Variants in NBEA observed in about 807,000 individuals in gnomAD.
NBEA encodes the protein lysosomal-trafficking regulator 2.
A neutral mutation model predicts 343.4 loss-of-function variants in NBEA; 44 were observed. The observed-to-expected ratio is 0.13, with a 90% CI of 0.10 to 0.16. The LOEUF (loss-of-function observed/expected upper bound fraction) is 0.16, where lower values mean the gene tolerates loss of function less well. Among genes scored for constraint, NBEA ranks in the 10% least tolerant of loss-of-function variants. NBEA has a pLI of 1.00. For missense variants in NBEA, 2,555 were observed against 3,631.3 expected (o/e 0.70, Z 7.62); for synonymous variants, 1,175 against 1,238.7 (o/e 0.95, Z 1.08).
intron 34 of NBEA, among the ~76,000 whole-genome samples, chr13:35,284,186 G>A (rs1309594325): frequency 1.3e-5 from 2 of 152,100 alleles, no homozygotes; most frequent in African/African-American, 4.8e-5. Flanking sequence ...TTACTATCAG[G>A]ACCTTTACAG....
chr13:35,209,958 C>T (rs2073655195), intron 32 of NBEA, among the ~76,000 whole-genome samples: 1 of 151,910 alleles, frequency 6.6e-6, no homozygotes, highest in African/African-American at 2.4e-5. Context: ...AAAGTCTTTC[C>T]AGTATTAGAG....
At chr13:35,188,900 CTTTTTGTTTTT>C (rs1409164189) in intron 30 of NBEA, among the ~76,000 whole-genome samples, 3 of 137,852 alleles carry the variant, frequency 2.2e-5, no homozygotes, top group African/African-American at 8.0e-5. Flanking sequence ...CTATATTTTA[CTTTTTGTTTTT>C]TTTTTTTTTT....
intron 35 of NBEA, among the ~76,000 whole-genome samples, chr13:35,293,923 C>T (rs145847685): frequency 6.6e-6 from 1 of 150,546 alleles, no homozygotes; most frequent in African/African-American, 2.5e-5. Context: ...AGAAACTGTA[C>T]ATTTAAAAAA....
intron 1 of NBEA, among the ~76,000 whole-genome samples, chr13:34,959,996 A>T (rs901523251): frequency 6.7e-6 from 1 of 149,616 alleles, no homozygotes; most frequent in Non-Finnish European, 1.5e-5. Context: ...ACTCAAGCTT[A>T]AAAAAAAAGT....
intron 16 of NBEA, among the ~76,000 whole-genome samples, chr13:35,122,015 A>G (rs1279331390): frequency 6.6e-6 from 1 of 152,042 alleles, no homozygotes; most frequent in Non-Finnish European, 1.5e-5. Flanking sequence ...CTTTATGGAA[A>G]CAAATTACTT....
At chr13:35,171,059 G>T (rs1431453742) in intron 25 of NBEA, 1 of 680,304 alleles carries the variant, frequency 1.5e-6, no homozygotes, top group Non-Finnish European at 2.7e-6. Flanking sequence ...ATTTTAAAAT[G>T]GGCTTTTCCT....
intron 1 of NBEA, among the ~76,000 whole-genome samples, chr13:34,974,475 G>T: frequency 6.6e-6 from 1 of 152,242 alleles, no homozygotes; most frequent in East Asian, 1.9e-4. Flanking sequence ...TCACAAAGAT[G>T]AACATTTAAA....
At position 35,228,562 on chromosome 13, in the gene NBEA, C is replaced by T. The variant is rs2074794961; in HGVS notation, c.5649-3930C>T. On this transcript the variant is annotated intron_variant, in intron 33 of 58. Coordinates refer to ENST00000379939, the MANE Select transcript of NBEA (RefSeq NM_001385012.1). ...CCTCCAGCCTTTCCAAGTCACCAGC[C>T]TCCAGTGTCTATCATTCCATATTCT... is the stretch of plus-strand genomic sequence containing the variant. 1.3e-5 allele frequency among the ~76,000 whole-genome samples: 2 copies of T among 151,990 alleles called. 1 individual carries two copies. Among genetic ancestry groups the T allele is most frequent in the South Asian group, 4.1e-4 (2 of 4,820 alleles).
At chr13:35,124,647 G>GAT (rs1036485685) in intron 17 of NBEA, among the ~76,000 whole-genome samples, 4 of 140,664 alleles carry the variant, frequency 2.8e-5, no homozygotes, top group African/African-American at 8.1e-5. Flanking sequence ...CACATATATG[G>GAT]ATATACACAC....
intron 10 of NBEA, among the ~76,000 whole-genome samples, chr13:35,086,170 A>G (rs1162541386): frequency 1.3e-5 from 2 of 152,102 alleles, no homozygotes; most frequent in Non-Finnish European, 2.9e-5. Flanking sequence ...TAATTTATAG[A>G]TTCAGTGCCA....
chr13:35,668,417 A>G lies in NBEA; in HGVS notation c.8711A>G (p.Asn2904Ser), dbSNP rs1242778169. The G allele has an allele frequency of 4.3e-6, 7 of 1,613,182 alleles. No individual in the cohort carries two copies. The highest frequency in any genetic ancestry group is 2.2e-5 in the South Asian group (2 of 90,906). ...DGQNLVTGGD[N>S]GVVEVWQACD... ...CAGAACCTGGTCACCGGAGGGGACA[A>G]TGGGGTAGTAGAGGTCTGGCAGGCC... Residue 2904 changes from asparagine to serine, a missense_variant, in exon 58 of 59, where the codon AAT (asparagine) becomes AGT (serine). Physicochemically the swap from Asn to Ser is conservative, Grantham distance 46. Around this residue, in one of 21 missense-constraint regions of NBEA, gnomAD observed 186 missense variants for 328.9 expected, o/e 0.57. Coordinates refer to ENST00000379939, the MANE Select transcript of NBEA (RefSeq NM_001385012.1).
intron 33 of NBEA, among the ~76,000 whole-genome samples, chr13:35,227,842 TAAG>T (rs1348748891): frequency 6.6e-6 from 1 of 151,988 alleles, no homozygotes; most frequent in African/African-American, 2.4e-5. Context: ...GGGCCCTAAA[TAAG>T]AATAGAATTA....
chr13:35,395,907 G>T (rs1327370011), intron 38 of NBEA, among the ~76,000 whole-genome samples: 1 of 151,974 alleles, frequency 6.6e-6, no homozygotes, highest in Admixed American at 6.6e-5. Flanking sequence ...TCTGGTAATG[G>T]TACTTGTTTT....
chr13:35,533,167 A>G (rs1248935237), intron 41 of NBEA, among the ~76,000 whole-genome samples: 4 of 152,062 alleles, frequency 2.6e-5, no homozygotes, highest in African/African-American at 9.7e-5. Flanking sequence ...AAACTTTTGG[A>G]TTTTTACCAA....
At chr13:35,607,764 A>G (rs2082338035) in intron 48 of NBEA, among the ~76,000 whole-genome samples, 1 of 151,292 alleles carries the variant, frequency 6.6e-6, no homozygotes. Flanking sequence ...AAAGTAAAAA[A>G]AAAATGAATA....
At chr13:35,260,756 T>C (rs753084726) in intron 34 of NBEA, among the ~76,000 whole-genome samples, 2 of 152,204 alleles carry the variant, frequency 1.3e-5, no homozygotes, top group Non-Finnish European at 1.5e-5. Flanking sequence ...GCAAGAAATT[T>C]CTAGAGCTCA....
chr13:35,645,051 G>T lies in NBEA; in HGVS notation c.7618-818G>T, dbSNP rs137856022. 3.3e-5 allele frequency among the ~76,000 whole-genome samples: 5 copies of T among 152,272 alleles called. No homozygotes were observed. The South Asian group carries it at 1.0e-3, about 32-fold the overall frequency. On this transcript the variant is annotated intron_variant, in intron 49 of 58. Coordinates refer to ENST00000379939, the MANE Select transcript of NBEA (RefSeq NM_001385012.1). ...ATATTGCTAATAAATTTGCAGGTTCGCATTTTTATTGATAAACATTTTCTT... is the reference window on the plus strand; with the variant it reads ...ATATTGCTAATAAATTTGCAGGTTCTCATTTTTATTGATAAACATTTTCTT...
intron 31 of NBEA, among the ~76,000 whole-genome samples, chr13:35,205,259 G>A (rs374194629): frequency 7.9e-5 from 12 of 152,048 alleles, no homozygotes; most frequent in South Asian, 4.2e-4. Flanking sequence ...GAAAAAGATC[G>A]GAGAAATCGG....
chr13:35,033,475 T>C, intron 1 of NBEA, among the ~76,000 whole-genome samples: 1 of 151,976 alleles, frequency 6.6e-6, no homozygotes, highest in East Asian at 1.9e-4. Flanking sequence ...TTAGGATAGC[T>C]TTGGCTATTC....
Sources: allele counts gnomAD v4.1 joint callset (sites outside exome capture counted in the v4.1 genomes callset), GRCh38; gene constraint gnomAD v4.1.1; regional missense constraint gnomAD v4.1.1; transcripts MANE v1.5; gene names NCBI Gene and HGNC (gene_info 2026-07-23, HGNC 2026-07-21).